OR51B5: variants seen among roughly 807,000 people sequenced by gnomAD.
OR51B5 encodes olfactory receptor 51B5.
For synonymous variants in OR51B5, 186 were observed against 144.8 expected, an observed-to-expected ratio of 1.28 and a Z score of -2.04; for missense variants, 456 against 374.6, an observed-to-expected ratio of 1.22 and a Z score of -1.79.
chr11:5,452,612 G>T (rs1310813875), intron 1 of OR51B5, among the ~76,000 whole-genome samples: 1 of 130,276 alleles, frequency 7.7e-6, no homozygotes, highest in African/African-American at 2.9e-5. Flanking sequence ...GATATGGAGA[G>T]AGTATGTGAA....
intron 1 of OR51B5, chr11:5,352,044 C>A: frequency 1.2e-6 from 2 of 1,614,062 alleles, no homozygotes; most frequent in South Asian, 1.1e-5. Flanking sequence ...TCTGTCTACA[C>A]CAAGATGTCA....
intron 1 of OR51B5, among the ~76,000 whole-genome samples, chr11:5,379,650 A>T (rs1849580591): frequency 6.6e-6 from 1 of 151,460 alleles, no homozygotes. Flanking sequence ...TTTATTTTTT[A>T]ATTGACATTG....
At chr11:5,462,572 C>G (rs1207833910) in intron 1 of OR51B5, among the ~76,000 whole-genome samples, 1 of 152,140 alleles carries the variant, frequency 6.6e-6, no homozygotes, top group Non-Finnish European at 1.5e-5. Context: ...TTCTCTTCAC[C>G]CAGATAGTGT....
intron 1 of OR51B5, among the ~76,000 whole-genome samples, chr11:5,415,169 A>G (rs1206329957): frequency 6.6e-6 from 1 of 152,178 alleles, no homozygotes; most frequent in Admixed American, 6.5e-5. Context: ...CTGCTCCTGA[A>G]TGACTACTGG....
At chr11:5,501,651 T>C (rs1027596506) in intron 1 of OR51B5, among the ~76,000 whole-genome samples, 3 of 148,154 alleles carry the variant, frequency 2.0e-5, no homozygotes, top group Non-Finnish European at 4.5e-5. Context: ...ATAACAAGAT[T>C]GTCCCTTTTA....
chr11:5,381,080 T>C (rs1262778644), intron 1 of OR51B5, among the ~76,000 whole-genome samples: 1 of 151,954 alleles, frequency 6.6e-6, no homozygotes. Context: ...ATAAAACTTA[T>C]ACTGGCCCCT....
At chr11:5,456,134 T>C (rs1408510722) in intron 1 of OR51B5, 1 of 152,164 alleles carries the variant, frequency 6.6e-6, no homozygotes, top group South Asian at 2.1e-4. Flanking sequence ...AAGTAAACTC[T>C]CACTGATTCC....
At chr11:5,448,976 A>G (rs946800927) in intron 1 of OR51B5, among the ~76,000 whole-genome samples, 7 of 152,208 alleles carry the variant, frequency 4.6e-5, no homozygotes, top group Non-Finnish European at 8.8e-5. Context: ...TAAAGAGACA[A>G]GAAGAGTAAA....
intron 1 of OR51B5, among the ~76,000 whole-genome samples, chr11:5,475,026 T>C (rs940744943): frequency 1.3e-5 from 2 of 152,204 alleles, no homozygotes; most frequent in Admixed American, 6.5e-5. Context: ...GTTTGACTTA[T>C]GAACTCTACT....
intron 1 of OR51B5, among the ~76,000 whole-genome samples, chr11:5,393,735 G>A (rs1909258): frequency 0.79 from 120,090 of 152,142 alleles, 47,770 homozygotes; most frequent in Middle Eastern, 0.84. Context: ...CCAAACCTGT[G>A]AAGTAGGGAG....
intron 1 of OR51B5, among the ~76,000 whole-genome samples, chr11:5,413,009 C>T (rs1422265696): frequency 2.7e-5 from 4 of 147,256 alleles, no homozygotes; most frequent in Middle Eastern, 3.2e-3. Context: ...TCCCTGACCC[C>T]AGAGCAGCCT....
At chr11:5,350,508 C>T (rs1282375086) in intron 1 of OR51B5, among the ~76,000 whole-genome samples, 1 of 152,128 alleles carries the variant, frequency 6.6e-6, no homozygotes, top group Non-Finnish European at 1.5e-5. Flanking sequence ...AGGTTGGCTG[C>T]CTGCACCAGC....
chr11:5,489,990 C>G (rs394893), intron 1 of OR51B5, among the ~76,000 whole-genome samples: 146,393 of 152,280 alleles, frequency 0.96, 70,399 homozygotes, highest in South Asian at 0.99. Context: ...TCTCCTGTGA[C>G]TCCAAGTGAA....
intron 1 of OR51B5, chr11:5,468,387 C>T (rs1226641937): frequency 3.5e-6 from 1 of 284,924 alleles, no homozygotes; most frequent in African/African-American, 2.2e-5. Context: ...AGGTGTACGT[C>T]TGGAGGGAGA....
In OR51B5 at chr11:5,363,228, C is replaced by T. The variant is rs553333510; in HGVS notation, n.85-16318G>A. On this transcript the variant is annotated intron_variant and non_coding_transcript_variant, in intron 1 of 4. Transcript: ENST00000415970. ...ATCTCAAGTGTTTCCCCACAACGAACCCAACCCCTCACACACACACACACA... is the reference window on the plus strand; with the variant it reads ...ATCTCAAGTGTTTCCCCACAACGAATCCAACCCCTCACACACACACACACA... Among the ~76,000 whole-genome samples the T allele has an allele frequency of 4.6e-3, 563 of 122,062 alleles. 5 individuals carry two copies. The highest frequency in any genetic ancestry group is 0.013 in the African/African-American group (403 of 31,666). The allele number at this position is 122,062 out of a possible 152,430, so 80.1% of individuals were successfully genotyped here. A position where few individuals can be genotyped will look rare whatever the true frequency, so the allele number is the denominator to read the frequency against.
rs376535620 is a variant in OR51B5, at chr11:5,351,533, C to A, written n.85-4623G>T. On this transcript the variant is annotated intron_variant and non_coding_transcript_variant, in intron 1 of 4. Coordinates refer to the OR51B5 transcript ENST00000415970. ...ATGGGGCTCAATAAGTCTGCTTCCA[C>A]CTTCCAGCTTACTGGCTTCCCAGGC... 43 of 1,613,002 alleles carry A rather than the reference C, an allele frequency of 2.7e-5. No homozygotes were observed. The South Asian group carries it at 4.5e-4, about 17-fold the overall frequency.
chr11:5,371,993 C>A, intron 1 of OR51B5, among the ~76,000 whole-genome samples: 1 of 151,988 alleles, frequency 6.6e-6, no homozygotes, highest in East Asian at 1.9e-4. Flanking sequence ...TAATATCATG[C>A]CTTTATTTGT....
chr11:5,375,614 A>G (rs992733581), intron 1 of OR51B5, among the ~76,000 whole-genome samples: 1 of 152,210 alleles, frequency 6.6e-6, no homozygotes, highest in Admixed American at 6.5e-5. Flanking sequence ...GGATGGAGGA[A>G]GATCTACCAA....
chr11:5,352,450 T>A, intron 1 of OR51B5: 1 of 1,545,424 alleles, frequency 6.5e-7, no homozygotes, highest in Non-Finnish European at 8.8e-7. Flanking sequence ...AGCATGACAT[T>A]GTTTCACTGG....
Sources: allele counts gnomAD v4.1 joint callset (sites outside exome capture counted in the v4.1 genomes callset), GRCh38; gene constraint gnomAD v4.1.1; transcripts MANE v1.5; gene names NCBI Gene and HGNC (gene_info 2026-07-23, HGNC 2026-07-21).